PRKN: variants seen among roughly 807,000 people sequenced by gnomAD.
The protein encoded by PRKN is parkin RBR E3 ubiquitin protein ligase.
A neutral mutation model predicts 59.5 loss-of-function variants in PRKN; 56 were observed. The ratio of observed to expected loss-of-function variants is 0.94; its 90% CI spans 0.76 to 1.18. The LOEUF is 1.18. Among genes scored for constraint, PRKN ranks in the 50% most tolerant of loss-of-function variants. The pLI, the probability that PRKN is intolerant of heterozygous loss-of-function variation, is 0.00. For synonymous variants in PRKN, 250 were observed against 222.1 expected (o/e 1.13, Z -1.12); for missense variants, 657 against 596.4 (o/e 1.10, Z -1.06).
intron 2 of PRKN, among the ~76,000 whole-genome samples, chr6:162,347,802 A>G (rs1181002076): frequency 6.6e-6 from 1 of 152,054 alleles, no homozygotes; most frequent in Non-Finnish European, 1.5e-5. Context: ...TTTGGTAATT[A>G]TTTTACTTGA....
intron 9 of PRKN, among the ~76,000 whole-genome samples, chr6:161,449,849 A>G (rs1562457293): frequency 1.3e-5 from 2 of 152,078 alleles, no homozygotes; most frequent in African/African-American, 2.4e-5. Context: ...GTGCAGGAAA[A>G]CAGAAGCATT....
chr6:162,469,778 G>A (rs1384681396), intron 1 of PRKN, among the ~76,000 whole-genome samples: 1 of 152,090 alleles, frequency 6.6e-6, no homozygotes, highest in Non-Finnish European at 1.5e-5. Flanking sequence ...ATTGGGTTCA[G>A]TGTATACTGC....
intron 1 of PRKN, among the ~76,000 whole-genome samples, chr6:162,725,456 T>C (rs904468020): frequency 6.6e-6 from 1 of 152,114 alleles, no homozygotes. Flanking sequence ...CATTCAGATG[T>C]TTACTGAAAT....
chr6:162,650,169 C>T (rs925423739), intron 1 of PRKN, among the ~76,000 whole-genome samples: 16 of 152,174 alleles, frequency 1.1e-4, no homozygotes, highest in African/African-American at 3.6e-4. Context: ...GCCTTAAAAG[C>T]AGGTCCAACA....
Position 161,830,896 on chromosome 6 carries a change from C to T in PRKN, c.735-44988G>A, listed in dbSNP as rs567050023. Among the ~76,000 whole-genome samples, 277 of 152,236 alleles carry T rather than the reference C, an allele frequency of 1.8e-3. 1 individual carries two copies. The highest frequency in any genetic ancestry group is 3.4e-3 in the Middle Eastern group (1 of 294). ...GCATACCAAGGAGAAGAAAGAGGTG[C>T]AGCCTGGAGAGGAAGATGGCCAAAA... On this transcript the variant is annotated intron_variant, in intron 6 of 11. Coordinates refer to ENST00000366898, the MANE Select transcript of PRKN (RefSeq NM_004562.3).
intron 9 of PRKN, among the ~76,000 whole-genome samples, chr6:161,520,896 G>A (rs1000459709): frequency 2.0e-5 from 3 of 152,156 alleles, no homozygotes; most frequent in African/African-American, 7.2e-5. Context: ...CCTAGTATCT[G>A]ACATAGGGTC....
At chr6:162,014,401 A>AG (rs1782854145) in intron 5 of PRKN, among the ~76,000 whole-genome samples, 1 of 152,150 alleles carries the variant, frequency 6.6e-6, no homozygotes. Flanking sequence ...GGCCCTCTTC[A>AG]GGCGCCTCTG....
chr6:161,900,618 ATATAC>A lies in PRKN; in HGVS notation c.734+72679_734+72683del, dbSNP rs1232171577. Among the ~76,000 whole-genome samples, 12 of 98,662 alleles carry A rather than the reference ATATAC, an allele frequency of 1.2e-4. No homozygotes were observed. The East Asian group carries it at 4.0e-3, about 33-fold the overall frequency. 64.7% of individuals were successfully genotyped at this position (98,662 alleles called of 152,430 possible). A position where few individuals can be genotyped will look rare whatever the true frequency, so the allele number is the denominator to read the frequency against. ...ATATTATATATTAATATACTGTAGT[ATATAC>A]TATAATATACTATATATTATATATT... On this transcript the variant is annotated intron_variant, in intron 6 of 11. Transcript: ENST00000366898.
At chr6:162,069,963 C>A (rs1157542379) in intron 4 of PRKN, among the ~76,000 whole-genome samples, 1 of 152,132 alleles carries the variant, frequency 6.6e-6, no homozygotes. Context: ...AGACTATGAT[C>A]ATAATAAAAG....
At chr6:162,440,743 C>T (rs937196980) in intron 2 of PRKN, among the ~76,000 whole-genome samples, 1 of 152,018 alleles carries the variant, frequency 6.6e-6, no homozygotes, top group Non-Finnish European at 1.5e-5. Flanking sequence ...TTAAGTAGCT[C>T]ATATGGAAGG....
intron 1 of PRKN, among the ~76,000 whole-genome samples, chr6:162,618,477 T>C (rs1303800607): frequency 6.6e-6 from 1 of 152,100 alleles, no homozygotes; most frequent in Non-Finnish European, 1.5e-5. Context: ...TATATGGAAA[T>C]CCCAGACACA....
rs534268232 is a variant in PRKN at position 161,560,615 on chromosome 6, C to T, written c.933+8740G>A. On this transcript the variant is annotated intron_variant, in intron 8 of 11. Transcript: ENST00000366898. This position sits in a 1 kb window ranked among gnomAD's most constrained non-coding sequence, Gnocchi z 4.9. ...CTGTTTTACCTTCTCATCCTGCTGA[C>T]CTTTTTCTCATCCTTCTATTCGCAC... Among the ~76,000 whole-genome samples, 3 of 152,296 alleles carry T rather than the reference C, an allele frequency of 2.0e-5. No homozygotes were observed. The highest frequency in any genetic ancestry group is 1.3e-4 in the Admixed American group (2 of 15,290).
chr6:161,994,916 T>A (rs1359204046), intron 5 of PRKN, among the ~76,000 whole-genome samples: 11 of 142,138 alleles, frequency 7.7e-5, no homozygotes, highest in African/African-American at 2.6e-4. Context: ...TCATTCTTCA[T>A]AGAAATAGAA....
At chr6:162,470,635 AC>A (rs1791684186) in intron 1 of PRKN, among the ~76,000 whole-genome samples, 2 of 152,332 alleles carry the variant, frequency 1.3e-5, no homozygotes, top group South Asian at 4.1e-4. Context: ...ATGGTTTGGG[AC>A]AAAATGAAAC....
intron 4 of PRKN, among the ~76,000 whole-genome samples, chr6:162,178,352 C>A (rs185502042): frequency 1.3e-5 from 2 of 152,188 alleles, no homozygotes; most frequent in Non-Finnish European, 2.9e-5. Flanking sequence ...TTGTAATGGG[C>A]CTATCCCTTA....
At chr6:162,433,780 G>A (rs1789647861) in intron 2 of PRKN, among the ~76,000 whole-genome samples, 1 of 152,116 alleles carries the variant, frequency 6.6e-6, no homozygotes, top group Admixed American at 6.6e-5. Flanking sequence ...AATTCCCTTT[G>A]AAATATGTAA....
At chr6:161,943,580 A>G (rs1189548322) in intron 6 of PRKN, among the ~76,000 whole-genome samples, 1 of 152,256 alleles carries the variant, frequency 6.6e-6, no homozygotes, top group Non-Finnish European at 1.5e-5. Flanking sequence ...GTCAAATGAT[A>G]TGATTTGCAT....
intron 1 of PRKN, among the ~76,000 whole-genome samples, chr6:162,450,225 G>GC (rs1790522108): frequency 6.6e-6 from 1 of 151,992 alleles, no homozygotes; most frequent in Non-Finnish European, 1.5e-5. Context: ...GAAGTATAAT[G>GC]CCCCTGTGAC....
intron 4 of PRKN, among the ~76,000 whole-genome samples, chr6:162,143,233 A>G (rs1781864884): frequency 6.6e-6 from 1 of 152,204 alleles, no homozygotes; most frequent in Admixed American, 6.6e-5. Flanking sequence ...AGTATCATTG[A>G]CTAATTTCTG....
Sources: gnomAD v4.1 joint callset for allele counts (sites outside exome capture counted in the v4.1 genomes callset) on GRCh38, gnomAD v4.1.1 for gene constraint, Gnocchi (gnomAD v3.1) non-coding constraint, MANE v1.5 for transcripts, NCBI Gene and HGNC (gene_info 2026-07-23, HGNC 2026-07-21) for gene names.